ADGRV1: variants seen among roughly 807,000 people sequenced by gnomAD.
ADGRV1 encodes adhesion G protein-coupled receptor V1, also known as G-protein coupled receptor 98.
In ADGRV1, 359 loss-of-function variants were observed where a neutral mutation model predicts 596.2. That is an observed-to-expected ratio of 0.60 (90% CI 0.55 to 0.66). The LOEUF (loss-of-function observed/expected upper bound fraction) is 0.66, where lower values mean the gene tolerates loss of function less well. Ranked by LOEUF, ADGRV1 falls within the 30% of genes least tolerant of loss-of-function variation. The pLI is 0.00. For synonymous variants in ADGRV1, 2,681 were observed against 2,679.2 expected, an observed-to-expected ratio of 1.00 and a Z score of -0.02; for missense variants, 7,274 against 7,575.6, an observed-to-expected ratio of 0.96 and a Z score of 1.48.
Position 90,855,802 on chromosome 5 carries a change from G to A in ADGRV1, c.17656G>A (p.Ala5886Thr), listed in dbSNP as rs758552690. 7.5e-6 allele frequency: 12 copies of A among 1,609,340 alleles called. No homozygotes were observed. The South Asian group carries it at 1.3e-4, about 18-fold the overall frequency. ...GGAAACTGCAGACTATGTGGAATGT[G>A]CCTGTTCACACATGTCTGTGTATGC... is the stretch of plus-strand genomic sequence containing the variant. ...VEETADYVEC[A>T]CSHMSVYAVY... Residue 5886 changes from alanine (A) to threonine (T), a missense_variant, in exon 82 of 90, where the codon GCC (alanine) becomes ACC (threonine). This residue lies in a region of ADGRV1 where 1,874 missense variants were observed against 1,970.2 expected (regional missense o/e 0.95). Coordinates refer to ENST00000405460, the MANE Select transcript of ADGRV1 (RefSeq NM_032119.4).
rs535301261 is a variant in ADGRV1 at position 91,149,963 on chromosome 5, G to A, written c.18433-67G>A. ...GTTTATTCTTCAGCTACGGTAGCAGGACTGACTTTGACATGCTGATGTTCT... is the reference window on the plus strand; with the variant it reads ...GTTTATTCTTCAGCTACGGTAGCAGAACTGACTTTGACATGCTGATGTTCT... On this transcript the variant is annotated intron_variant, in intron 87 of 89. Coordinates refer to ENST00000405460, the MANE Select transcript of ADGRV1 (RefSeq NM_032119.4). 1.4e-4 allele frequency: 182 copies of A among 1,336,608 alleles called. 1 individual carries two copies. In the African/African-American group the frequency reaches 2.3e-3, roughly 17 times the overall value. The allele number at this position is 1,336,608 out of a possible 1,614,324, so 82.8% of individuals were successfully genotyped here. A position where few individuals can be genotyped will look rare whatever the true frequency, so the allele number is the denominator to read the frequency against.
Position 90,791,072 on chromosome 5 carries a change from G to C in ADGRV1, c.14243G>C (p.Ser4748Thr). Reference protein sequence around the residue: ...EGGAELDLEKSITWFSVYAND... With the variant: ...EGGAELDLEKTITWFSVYAND... ...GGAGCCGAACTGGATCTGGAGAAGA[G>C]TATCACATGGTTCTCTGTTTATGCA... The change falls in exon 70 of 90, where the codon AGT becomes ACT. Residue 4748 changes from serine to threonine, a missense_variant. By Grantham distance (58) the Ser-to-Thr change is moderately conservative. This residue lies in a region of ADGRV1 where 1,874 missense variants were observed against 1,970.2 expected (regional missense o/e 0.95). Transcript: ENST00000405460. The C allele has an allele frequency of 6.2e-7, 1 of 1,613,932 alleles. No homozygotes were observed.
chr5:91,070,807 A>G (rs753114993), intron 85 of ADGRV1, among the ~76,000 whole-genome samples: 2 of 152,202 alleles, frequency 1.3e-5, no homozygotes, highest in East Asian at 1.9e-4. Flanking sequence ...TAGCTTCTAA[A>G]TGGAAAAATT....
At chr5:90,584,600 A>G (rs1238616068) in intron 1 of ADGRV1, among the ~76,000 whole-genome samples, 2 of 152,172 alleles carry the variant, frequency 1.3e-5, no homozygotes, top group African/African-American at 4.8e-5. Context: ...CTTACTCAAG[A>G]TGGCTGGCAA....
At position 90,829,120 on chromosome 5, in the gene ADGRV1, A is replaced by G; in HGVS notation, c.16545A>G (p.Leu5515=). ...RLAVAHKKAT[L]ISLQVARDSG... is the part of the protein sequence containing the mutation. ...CAGTGGCTCACAAGAAGGCCACTTTAATCAGTCTGCAGGTGGCCAGAGATT... is the reference window on the plus strand; with the variant it reads ...CAGTGGCTCACAAGAAGGCCACTTTGATCAGTCTGCAGGTGGCCAGAGATT... The change falls in exon 77 of 90, where the codon TTA becomes TTG. Residue 5515 remains leucine (L), a synonymous_variant. Transcript: ENST00000405460. The G allele has an allele frequency of 6.2e-7, 1 of 1,611,824 alleles. No individual in the cohort carries two copies. Among genetic ancestry groups the G allele is most frequent in the Non-Finnish European group, 8.5e-7 (1 of 1,178,472 alleles).
chr5:90,644,860 T>C lies in ADGRV1; in HGVS notation c.2889T>C (p.Leu963=). The C allele has an allele frequency of 6.3e-7, 1 of 1,593,720 alleles. No individual in the cohort carries two copies. Among genetic ancestry groups the C allele is most frequent in the African/African-American group, 1.3e-5 (1 of 74,216 alleles). The change falls in exon 15 of 90, where the codon CTT becomes CTC. Residue 963 remains leucine (L), a synonymous_variant. Transcript: ENST00000405460. ...CAAAAAATATCACCATTTACTCCCT[T>C]CCAGATGAGGTAAATATTGCATATA... ...EFSKNITIYS[L]PDEIPEEMEE...
At chr5:90,693,862 G>A (rs1411617513) in intron 32 of ADGRV1, 28 bp from the exon 33 acceptor site, 1 of 1,489,844 alleles carries the variant, frequency 6.7e-7, no homozygotes, top group African/African-American at 1.4e-5. Context: ...TGCTTAACCT[G>A]TCTTTTAATT....
intron 87 of ADGRV1, among the ~76,000 whole-genome samples, chr5:91,123,104 C>T (rs1646210062): frequency 1.3e-5 from 2 of 152,170 alleles, no homozygotes; most frequent in Non-Finnish European, 2.9e-5. Flanking sequence ...GGGCCAGTTA[C>T]TTAACATCCT....
At chr5:90,974,486 T>C (rs972287864) in intron 84 of ADGRV1, among the ~76,000 whole-genome samples, 1 of 152,176 alleles carries the variant, frequency 6.6e-6, no homozygotes, top group Non-Finnish European at 1.5e-5. Context: ...AGCATGGTAC[T>C]GGTACCAAAA....
At chr5:90,950,548 A>G (rs1178648462) in intron 83 of ADGRV1, among the ~76,000 whole-genome samples, 1 of 152,110 alleles carries the variant, frequency 6.6e-6, no homozygotes, top group Non-Finnish European at 1.5e-5. Flanking sequence ...TCTCGAACTC[A>G]TGACCTCAGG....
At chr5:90,742,221 T>C (rs1193669265) in intron 50 of ADGRV1, among the ~76,000 whole-genome samples, 1 of 152,160 alleles carries the variant, frequency 6.6e-6, no homozygotes, top group Non-Finnish European at 1.5e-5. Flanking sequence ...TATAAATGGA[T>C]AACTGCTATG....
intron 43 of ADGRV1, among the ~76,000 whole-genome samples, chr5:90,719,577 CA>C (rs1227646378): frequency 1.3e-5 from 2 of 152,016 alleles, no homozygotes; most frequent in African/African-American, 2.4e-5. Context: ...AGTAGTTGGA[CA>C]TTTTTTTTAA....
chr5:90,799,625 A>G (rs561227564), intron 70 of ADGRV1, among the ~76,000 whole-genome samples: 4 of 152,316 alleles, frequency 2.6e-5, no homozygotes, highest in African/African-American at 9.6e-5. Context: ...TGCCAAGACA[A>G]TCCTAAGCAG....
At position 90,778,534 on chromosome 5, in the gene ADGRV1, G is replaced by A. The variant is rs1261015145; in HGVS notation, c.12774G>A (p.Thr4258=). Residue 4258 remains threonine, a synonymous_variant, in exon 63 of 90, where the codon ACG becomes ACA. Transcript: ENST00000405460. ...AATCCAGCAGCACTGCCAACATCAC[G>A]GTGGTGGCCAGCGACTCTCCCTATG... ...LSESSSTANI[T]VVASDSPYGR... is the part of the protein sequence containing the mutation. 1 of 1,612,966 alleles carries A rather than the reference G, an allele frequency of 6.2e-7. No homozygotes were observed. The highest frequency in any genetic ancestry group is 8.5e-7 in the Non-Finnish European group (1 of 1,179,424).
intron 87 of ADGRV1, among the ~76,000 whole-genome samples, chr5:91,115,488 T>G (rs1180440573): frequency 6.6e-6 from 1 of 152,224 alleles, no homozygotes; most frequent in African/African-American, 2.4e-5. Flanking sequence ...GGTCAGCTGA[T>G]GAACTGTACT....
intron 84 of ADGRV1, among the ~76,000 whole-genome samples, chr5:90,973,385 C>A (rs1445493936): frequency 5.9e-5 from 9 of 152,156 alleles, no homozygotes; most frequent in Admixed American, 1.3e-4. Context: ...CAAAGCCTGG[C>A]AGAGACACAG....
At chr5:90,758,556 C>T (rs545881109) in intron 57 of ADGRV1, among the ~76,000 whole-genome samples, 50 of 152,272 alleles carry the variant, frequency 3.3e-4, no homozygotes, top group African/African-American at 1.1e-3. Flanking sequence ...CTGTATTCTA[C>T]AGCACAGATT....
intron 84 of ADGRV1, among the ~76,000 whole-genome samples, chr5:90,983,849 T>C (rs1292780519): frequency 3.3e-5 from 5 of 152,206 alleles, no homozygotes; most frequent in Non-Finnish European, 7.3e-5. Context: ...CCTTCCCTGG[T>C]TTAGCCTAAT....
At position 90,696,996 on chromosome 5, in the gene ADGRV1, G is replaced by A. The variant is rs757776405; in HGVS notation, c.8005G>A (p.Glu2669Lys). The A allele has an allele frequency of 1.5e-5, 25 of 1,613,142 alleles. No homozygotes were observed. The highest frequency in any genetic ancestry group is 2.0e-5 in the Non-Finnish European group (24 of 1,179,312). The change falls in exon 34 of 90, where the codon GAA (glutamate) becomes AAA (lysine). Residue 2669 changes from glutamate (E) to lysine (K), a missense_variant. This residue lies in a region of ADGRV1 where 3,643 missense variants were observed against 3,809.2 expected (regional missense o/e 0.96). Transcript: ENST00000405460. The stretch of plus-strand genomic sequence containing the variant: ...GGATGACTCTGAACCAGAGGATGAC[G>A]AAAGTATCATAGTTAGTTTGGTGTA... The part of the protein sequence containing the change: ...ILDDSEPEDD[E>K]SIIVSLVYTE...
Sources: gnomAD v4.1 joint callset for allele counts (sites outside exome capture counted in the v4.1 genomes callset) on GRCh38, gnomAD v4.1.1 for gene constraint, gnomAD v4.1.1 regional missense constraint, MANE v1.5 for transcripts, NCBI Gene and HGNC (gene_info 2026-07-23, HGNC 2026-07-21) for gene names.